The following NRXN3 variants were observed in gnomAD, a reference collection of about 807,000 sequenced individuals.
NRXN3 encodes neurexin III.
NRXN3 carries 32 observed loss-of-function variants against 137.6 expected under a neutral mutation model. That is an observed-to-expected ratio of 0.23 (90% CI 0.18 to 0.31). The LOEUF (loss-of-function observed/expected upper bound fraction) is 0.31. NRXN3 is among the 10% of genes least tolerant of loss of function. The pLI, the probability that NRXN3 is intolerant of heterozygous loss-of-function variation, is 1.00. For synonymous variants in NRXN3, 798 were observed against 784.5 expected (o/e 1.02, Z -0.29); for missense variants, 1,574 against 2,062.5 (o/e 0.76, Z 4.59).
chr14:79,375,580 C>T (rs897245606), intron 15 of NRXN3, among the ~76,000 whole-genome samples: 3 of 152,012 alleles, frequency 2.0e-5, no homozygotes, highest in African/African-American at 7.2e-5. Flanking sequence ...ATCAGTGCCT[C>T]GCAGCTCATC....
intron 19 of NRXN3, among the ~76,000 whole-genome samples, chr14:79,699,725 A>T (rs1275549431): frequency 2.6e-5 from 4 of 152,048 alleles, no homozygotes; most frequent in Non-Finnish European, 4.4e-5. Context: ...TTTAGAGGAG[A>T]TGAACAACTG....
At chr14:78,981,328 A>G (rs1428911687) in intron 14 of NRXN3, among the ~76,000 whole-genome samples, 1 of 152,200 alleles carries the variant, frequency 6.6e-6, no homozygotes, top group Non-Finnish European at 1.5e-5. Flanking sequence ...TATTAATCCA[A>G]TGACACCACA....
intron 10 of NRXN3, among the ~76,000 whole-genome samples, chr14:78,834,263 C>T (rs1000359938): frequency 1.3e-5 from 2 of 151,944 alleles, no homozygotes; most frequent in East Asian, 3.9e-4. Flanking sequence ...AAGTTTCCTC[C>T]GGCAGCTGAG....
At chr14:79,465,768 G>C (rs2096413587) in intron 15 of NRXN3, among the ~76,000 whole-genome samples, 1 of 152,136 alleles carries the variant, frequency 6.6e-6, no homozygotes, top group African/African-American at 2.4e-5. Flanking sequence ...TTTAAGGGTT[G>C]GAACATGGTC....
chr14:79,663,481 G>A (rs185439816), intron 16 of NRXN3, among the ~76,000 whole-genome samples: 2 of 152,066 alleles, frequency 1.3e-5, no homozygotes, highest in East Asian at 1.9e-4. Flanking sequence ...AATAAACTTT[G>A]CATTGTCATT....
chr14:79,281,265 T>C (rs530300572), intron 15 of NRXN3, among the ~76,000 whole-genome samples: 1 of 152,296 alleles, frequency 6.6e-6, no homozygotes, highest in East Asian at 1.9e-4. Flanking sequence ...GGATTCCCCG[T>C]GTATGCAAAT....
At chr14:79,472,428 A>G (rs2096521842) in intron 16 of NRXN3, among the ~76,000 whole-genome samples, 1 of 152,208 alleles carries the variant, frequency 6.6e-6, no homozygotes, top group Non-Finnish European at 1.5e-5. Context: ...TGCTTGCTTC[A>G]AATTAACTAA....
At chr14:79,196,090 G>A (rs982672489) in intron 15 of NRXN3, among the ~76,000 whole-genome samples, 2 of 152,184 alleles carry the variant, frequency 1.3e-5, no homozygotes, top group African/African-American at 4.8e-5. Context: ...ACACTAGTCA[G>A]GGGTGAGATT....
chr14:79,051,221 GA>G (rs35729043), intron 15 of NRXN3, among the ~76,000 whole-genome samples: 54,181 of 150,882 alleles, frequency 0.36, 10,109 homozygotes, highest in Admixed American at 0.48. Context: ...CGTTTCCTCT[GA>G]AAAAAAAATA....
chr14:79,835,927 G>A (rs532180449), intron 20 of NRXN3, among the ~76,000 whole-genome samples: 83 of 152,224 alleles, frequency 5.5e-4, no homozygotes, highest in African/African-American at 1.9e-3. Context: ...CTTGGCCACT[G>A]GTAGGAGGAT....
intron 16 of NRXN3, among the ~76,000 whole-genome samples, chr14:79,616,640 A>G (rs962813767): frequency 6.6e-6 from 1 of 152,172 alleles, no homozygotes; most frequent in African/African-American, 2.4e-5. Context: ...CCAAACCTGC[A>G]CATGTATCCC....
At chr14:79,224,462 C>A (rs1207218588) in intron 15 of NRXN3, among the ~76,000 whole-genome samples, 1 of 152,082 alleles carries the variant, frequency 6.6e-6, no homozygotes, top group Non-Finnish European at 1.5e-5. Flanking sequence ...ATATGATATT[C>A]TACATATTCT....
At chr14:78,490,632 T>C (rs1220624431) in intron 4 of NRXN3, among the ~76,000 whole-genome samples, 2 of 152,234 alleles carry the variant, frequency 1.3e-5, no homozygotes, top group African/African-American at 2.4e-5. Flanking sequence ...TACAGAAAAA[T>C]GTTTGCATTG....
Position 78,966,371 on chromosome 14 carries a change from T to C in NRXN3, c.2742T>C (p.Asp914=). The C allele has an allele frequency of 2.5e-6, 4 of 1,614,022 alleles. No individual in the cohort carries two copies. Among genetic ancestry groups the C allele is most frequent in the Non-Finnish European group, 3.4e-6 (4 of 1,179,864 alleles). Residue 914 remains aspartate (D), a synonymous_variant, in exon 12 of 21, where the codon GAT becomes GAC. Transcript: ENST00000335750. ...GCTTCATTCTCTTCAATAGTGGTGA[T>C]GGCAATGACTTCATTGCAGTCGAGC... ...PDGFILFNSG[D]GNDFIAVELV...
rs1036206091 is a variant in NRXN3, at chr14:79,666,923, C to A, written c.3616+2974C>A. ...GCTATATCCCCTTACCTTGCTGCCT[C>A]AATTAAAAAGTTGTTGTGTGATATA... On this transcript the variant is annotated intron_variant, in intron 17 of 20. Coordinates refer to ENST00000335750, the MANE Select transcript of NRXN3 (RefSeq NM_001330195.2). Among the ~76,000 whole-genome samples, 11 of 152,060 alleles carry A rather than the reference C, an allele frequency of 7.2e-5. No homozygotes were observed. In the South Asian group the frequency reaches 2.3e-3, roughly 32 times the overall value.
chr14:79,748,412 C>T (rs1356830921), intron 19 of NRXN3, among the ~76,000 whole-genome samples: 9 of 151,964 alleles, frequency 5.9e-5, no homozygotes, highest in African/African-American at 1.9e-4. Context: ...GGATTATTAA[C>T]GGTTGACATT....
intron 1 of NRXN3, among the ~76,000 whole-genome samples, chr14:78,212,932 G>A (rs1049415281): frequency 1.3e-5 from 2 of 152,190 alleles, no homozygotes; most frequent in African/African-American, 2.4e-5. Flanking sequence ...TGGTTAAAAT[G>A]TGGTTTGGGG....
At chr14:78,962,886 G>A (rs1198044727) in intron 11 of NRXN3, among the ~76,000 whole-genome samples, 2 of 151,992 alleles carry the variant, frequency 1.3e-5, no homozygotes, top group Admixed American at 6.6e-5. Flanking sequence ...GCTAATTTTT[G>A]TATTTTTAGT....
chr14:79,510,155 C>A (rs950424867), intron 16 of NRXN3, among the ~76,000 whole-genome samples: 1 of 152,120 alleles, frequency 6.6e-6, no homozygotes, highest in Admixed American at 6.6e-5. Flanking sequence ...ATTGCAGAGG[C>A]TTTAGTCTAA....
Sources: allele counts gnomAD v4.1 joint callset (sites outside exome capture counted in the v4.1 genomes callset), GRCh38; gene constraint gnomAD v4.1.1; transcripts MANE v1.5; gene names NCBI Gene and HGNC (gene_info 2026-07-23, HGNC 2026-07-21).